Variants in ACBD6 observed in about 807,000 individuals in gnomAD.
ACBD6 encodes the protein acyl-CoA-binding domain-containing protein 6.
A neutral mutation model predicts 37.2 loss-of-function variants in ACBD6; 28 were observed. That is an observed-to-expected ratio of 0.75 (90% confidence interval 0.56 to 1.03). ACBD6 has a LOEUF of 1.03. Ranked by LOEUF, ACBD6 falls within the 50% of genes least tolerant of loss-of-function variation. The pLI is 0.00. For missense variants in ACBD6, 340 were observed against 337.4 expected, an observed-to-expected ratio of 1.01 and a Z score of -0.06; for synonymous variants, 113 against 126.8, an observed-to-expected ratio of 0.89 and a Z score of 0.73.
At chr1:180,376,576 G>C (rs1284683175) in intron 6 of ACBD6, among the ~76,000 whole-genome samples, 2 of 152,062 alleles carry the variant, frequency 1.3e-5, no homozygotes, top group Non-Finnish European at 2.9e-5. Context: ...GAGCAAAAGA[G>C]TATCTTTAGT....
At chr1:180,429,196 T>C (rs1648715885) in intron 4 of ACBD6, among the ~76,000 whole-genome samples, 1 of 152,206 alleles carries the variant, frequency 6.6e-6, no homozygotes, top group Non-Finnish European at 1.5e-5. Flanking sequence ...CGTAACTTTT[T>C]CATCTTGTAA....
intron 6 of ACBD6, among the ~76,000 whole-genome samples, chr1:180,383,565 A>G (rs1653739188): frequency 6.6e-6 from 1 of 152,178 alleles, no homozygotes; most frequent in Non-Finnish European, 1.5e-5. Context: ...CTCATGAGTT[A>G]GAAGAATACT....
intron 5 of ACBD6, among the ~76,000 whole-genome samples, chr1:180,410,965 AG>A (rs1208858850): frequency 6.6e-6 from 1 of 152,214 alleles, no homozygotes; most frequent in Non-Finnish European, 1.5e-5. Flanking sequence ...GTGTGATGGG[AG>A]GAGGTCAAAA....
Position 180,502,426 on chromosome 1 carries a change from T to G in ACBD6, c.-160A>C, listed in dbSNP as rs1484058767. Reference sequence around the variant, plus strand: ...CGCTCCCTCACGTGACCCTGCTCCCTGCCCACTTCTACTCCCTGGGCGTGC... The same window carrying G: ...CGCTCCCTCACGTGACCCTGCTCCCGGCCCACTTCTACTCCCTGGGCGTGC... On this transcript the variant is annotated 5_prime_UTR_variant, in exon 1 of 8. Transcript: ENST00000367595. 1 of 760,222 alleles carries G rather than the reference T, an allele frequency of 1.3e-6. No homozygotes were observed. Among genetic ancestry groups the G allele is most frequent in the African/African-American group, 1.7e-5 (1 of 58,260 alleles). 47.1% of individuals were successfully genotyped at this position (760,222 alleles called of 1,614,324 possible).
intron 6 of ACBD6, among the ~76,000 whole-genome samples, chr1:180,363,800 A>T (rs1652935039): frequency 6.6e-6 from 1 of 152,200 alleles, no homozygotes; most frequent in Admixed American, 6.5e-5. Context: ...CAGCCAGGGA[A>T]GGCTTTGTAA....
intron 6 of ACBD6, among the ~76,000 whole-genome samples, chr1:180,393,084 G>A (rs1022437832): frequency 6.6e-6 from 1 of 152,186 alleles, no homozygotes; most frequent in Non-Finnish European, 1.5e-5. Flanking sequence ...AGTCAGAGAA[G>A]GGTGTGTGTG....
chr1:180,393,099 C>T (rs189750712), intron 6 of ACBD6, among the ~76,000 whole-genome samples: 8 of 151,954 alleles, frequency 5.3e-5, no homozygotes, highest in South Asian at 2.1e-4. Flanking sequence ...TGTGTGTGTG[C>T]GTGCGCACGC....
At chr1:180,414,595 A>G (rs1647998937) in intron 4 of ACBD6, among the ~76,000 whole-genome samples, 2 of 152,246 alleles carry the variant, frequency 1.3e-5, no homozygotes, top group African/African-American at 4.8e-5. Flanking sequence ...GATAACAGAT[A>G]AAAGGCTAAG....
chr1:180,272,056 G>C (rs1377058608), intron 13 of ACBD6: 2 of 1,548,136 alleles, frequency 1.3e-6, no homozygotes, highest in African/African-American at 2.7e-5. Flanking sequence ...AGTCCCCTGG[G>C]AATCTGTAAT....
chr1:180,457,122 C>G (rs1038062398), intron 3 of ACBD6, among the ~76,000 whole-genome samples: 1 of 152,032 alleles, frequency 6.6e-6, no homozygotes, highest in African/African-American at 2.4e-5. Flanking sequence ...TATGGCATAT[C>G]AAAAACTGAA....
rs34773334 is a variant in ACBD6, at chr1:180,361,275, CTT to C, written c.663+36239_663+36240del. ...TTTGTTACAAGCAACTTTTTTTTTC[CTT>C]TTTTTTTTTTTTTTAAACAGGTGCT... On this transcript the variant is annotated intron_variant, in intron 6 of 7. Transcript: ENST00000367595. Among the ~76,000 whole-genome samples, 527 of 135,658 alleles carry C rather than the reference CTT, an allele frequency of 3.9e-3. 2 individuals are homozygous for C. The highest frequency in any genetic ancestry group is 0.013 in the African/African-American group (491 of 36,550). 89.0% of individuals were successfully genotyped at this position (135,658 alleles called of 152,430 possible). A position where few individuals can be genotyped will look rare whatever the true frequency, so the allele number is the denominator to read the frequency against.
chr1:180,300,119 A>G (rs1018418918), intron 7 of ACBD6, among the ~76,000 whole-genome samples: 1 of 152,184 alleles, frequency 6.6e-6, no homozygotes, highest in African/African-American at 2.4e-5. Flanking sequence ...CTGTCAACAC[A>G]AGGACAGCTG....
intron 3 of ACBD6, among the ~76,000 whole-genome samples, chr1:180,441,896 G>T: frequency 6.6e-6 from 1 of 152,012 alleles, no homozygotes. Context: ...AATTGCTCTG[G>T]CTAGAATTTA....
intron 6 of ACBD6, among the ~76,000 whole-genome samples, chr1:180,364,736 C>CT (rs10646954): frequency 0.73 from 102,138 of 140,746 alleles, 38,550 homozygotes; most frequent in Non-Finnish European, 0.84. Flanking sequence ...TCCTTTCTAT[C>CT]TTTTTTTTTT....
intron 6 of ACBD6, among the ~76,000 whole-genome samples, chr1:180,366,050 T>C (rs770464232): frequency 3.3e-5 from 5 of 152,204 alleles, no homozygotes; most frequent in Non-Finnish European, 5.9e-5. Context: ...TAATGTTACA[T>C]TTAAAAGAAC....
At chr1:180,476,692 G>A (rs1650808572) in intron 3 of ACBD6, among the ~76,000 whole-genome samples, 1 of 152,140 alleles carries the variant, frequency 6.6e-6, no homozygotes, top group Non-Finnish European at 1.5e-5. Context: ...CGGGCGTGGT[G>A]GCGGGCACCT....
At chr1:180,469,256 C>A (rs1221968020) in intron 3 of ACBD6, among the ~76,000 whole-genome samples, 2 of 152,126 alleles carry the variant, frequency 1.3e-5, no homozygotes, top group Non-Finnish European at 2.9e-5. Flanking sequence ...TCCCCCTTTT[C>A]ATCTTTGCCA....
intron 3 of ACBD6, among the ~76,000 whole-genome samples, chr1:180,453,877 C>A (rs1175575883): frequency 6.6e-6 from 1 of 152,020 alleles, no homozygotes; most frequent in Non-Finnish European, 1.5e-5. Flanking sequence ...AACCACTGCT[C>A]AAGGAAATAA....
chr1:180,402,494 A>T (rs963729407), intron 5 of ACBD6, among the ~76,000 whole-genome samples: 3 of 152,174 alleles, frequency 2.0e-5, no homozygotes, highest in African/African-American at 7.2e-5. Flanking sequence ...CTTATTTGTC[A>T]GGAAATTGAG....
Sources: allele counts gnomAD v4.1 joint callset (sites outside exome capture counted in the v4.1 genomes callset), GRCh38; gene constraint gnomAD v4.1.1; transcripts MANE v1.5; gene names NCBI Gene and HGNC (gene_info 2026-07-23, HGNC 2026-07-21).